Variants in CCSER1 observed in about 807,000 individuals in gnomAD.
The protein encoded by CCSER1 is serine-rich coiled-coil domain-containing protein 1.
Under a neutral mutation model 82.0 loss-of-function variants are expected in CCSER1, and 41 were observed. The observed-to-expected ratio is 0.50, with a 90% CI of 0.39 to 0.65. The LOEUF (loss-of-function observed/expected upper bound fraction) is 0.65, where lower values mean the gene tolerates loss of function less well. CCSER1 is among the 30% of genes least tolerant of loss of function. The pLI, the probability that CCSER1 is intolerant of heterozygous loss-of-function variation, is 0.00. For missense variants in CCSER1, 1,119 were observed against 1,064.2 expected (o/e 1.05, Z -0.72); for synonymous variants, 414 against 383.9 (o/e 1.08, Z -0.92).
intron 5 of CCSER1, among the ~76,000 whole-genome samples, chr4:90,554,986 C>T (rs191590390): frequency 3.2e-4 from 48 of 152,220 alleles, no homozygotes; most frequent in African/African-American, 1.0e-3. Flanking sequence ...TCGGTTACAT[C>T]AAGGACTTTT....
chr4:90,793,398 T>G (rs2149670279), intron 7 of CCSER1, among the ~76,000 whole-genome samples: 1 of 152,338 alleles, frequency 6.6e-6, no homozygotes, highest in African/African-American at 2.4e-5. Context: ...TGTGTTCTTA[T>G]CATTTAGCTC....
intron 5 of CCSER1, among the ~76,000 whole-genome samples, chr4:90,492,889 T>C (rs1434897559): frequency 6.6e-6 from 1 of 152,128 alleles, no homozygotes; most frequent in Non-Finnish European, 1.5e-5. Flanking sequence ...AGAGATAGTT[T>C]GTTAAAGCTT....
At chr4:91,063,117 C>T (rs1744095890) in intron 9 of CCSER1, among the ~76,000 whole-genome samples, 1 of 151,968 alleles carries the variant, frequency 6.6e-6, no homozygotes, top group African/African-American at 2.4e-5. Flanking sequence ...AATAGAAAAT[C>T]TTGAAGTTTC....
chr4:90,299,484 G>T (rs1732673243), intron 1 of CCSER1, among the ~76,000 whole-genome samples: 1 of 151,866 alleles, frequency 6.6e-6, no homozygotes, highest in Non-Finnish European at 1.5e-5. Context: ...GTGATTTCTG[G>T]CTTTTTCTAC....
Position 90,554,460 on chromosome 4 carries a change from C to T in CCSER1, c.1725-73565C>T, listed in dbSNP as rs189338188. ...TGTGATTCAATTTACCTTTAAATACCGAAAATATTTCATGAAATTAAAAAC... is the reference window on the plus strand; with the variant it reads ...TGTGATTCAATTTACCTTTAAATACTGAAAATATTTCATGAAATTAAAAAC... On this transcript the variant is annotated intron_variant, in intron 5 of 10. Coordinates refer to ENST00000509176, the MANE Select transcript of CCSER1 (RefSeq NM_001145065.2). 4.6e-5 allele frequency among the ~76,000 whole-genome samples: 7 copies of T among 152,152 alleles called. No homozygotes were observed. In the East Asian group the frequency reaches 1.2e-3, roughly 25 times the overall value.
intron 1 of CCSER1, among the ~76,000 whole-genome samples, chr4:90,280,234 A>C (rs1455239910): frequency 6.6e-6 from 1 of 151,982 alleles, no homozygotes; most frequent in Non-Finnish European, 1.5e-5. Flanking sequence ...CAGTATTCCA[A>C]ATCTGGTAGA....
chr4:90,520,099 G>T (rs1173537045), intron 5 of CCSER1, among the ~76,000 whole-genome samples: 1 of 151,910 alleles, frequency 6.6e-6, no homozygotes, highest in Non-Finnish European at 1.5e-5. Flanking sequence ...ATAGATTAAA[G>T]TGATATCATA....
At chr4:91,554,134 C>A in intron 10 of CCSER1, among the ~76,000 whole-genome samples, 2 of 150,382 alleles carry the variant, frequency 1.3e-5, no homozygotes, top group South Asian at 4.2e-4. Context: ...TTGATTTATC[C>A]TCTGACATTG....
chr4:90,720,277 G>T (rs1411052381), intron 6 of CCSER1, among the ~76,000 whole-genome samples: 1 of 142,868 alleles, frequency 7.0e-6, no homozygotes, highest in South Asian at 2.3e-4. Context: ...AGGAGCCCTG[G>T]TTTGTTTTTT....
intron 9 of CCSER1, among the ~76,000 whole-genome samples, chr4:90,985,785 G>A (rs1255722331): frequency 6.6e-6 from 1 of 151,394 alleles, no homozygotes; most frequent in Non-Finnish European, 1.5e-5. Context: ...TTGTATTTTA[G>A]GAATGTGTTA....
intron 1 of CCSER1, among the ~76,000 whole-genome samples, chr4:90,235,679 C>G (rs1374072461): frequency 1.3e-5 from 2 of 151,300 alleles, no homozygotes; most frequent in African/African-American, 4.9e-5. Flanking sequence ...TGGTATTAAC[C>G]AAGAGTGGTT....
chr4:91,384,381 C>T (rs975125779), intron 10 of CCSER1, among the ~76,000 whole-genome samples: 80 of 148,538 alleles, frequency 5.4e-4, no homozygotes, highest in Admixed American at 2.5e-3. Context: ...TGAGCGTTTC[C>T]GTTATTTTTT....
At chr4:90,600,937 G>T (rs1783959781) in intron 5 of CCSER1, among the ~76,000 whole-genome samples, 1 of 150,446 alleles carries the variant, frequency 6.6e-6, no homozygotes, top group Non-Finnish European at 1.5e-5. Context: ...TTGTATTTTT[G>T]ATTTTATTGT....
At chr4:91,432,517 A>C (rs971865437) in intron 10 of CCSER1, among the ~76,000 whole-genome samples, 1 of 152,198 alleles carries the variant, frequency 6.6e-6, no homozygotes, top group African/African-American at 2.4e-5. Flanking sequence ...CTAGCATTTT[A>C]TGAGAGTGTC....
At chr4:90,493,055 A>T (rs748068125) in intron 5 of CCSER1, among the ~76,000 whole-genome samples, 15 of 152,192 alleles carry the variant, frequency 9.9e-5, no homozygotes, top group Non-Finnish European at 7.3e-5. Context: ...TAACCACTGT[A>T]GAGAAGTCCT....
intron 6 of CCSER1, among the ~76,000 whole-genome samples, chr4:90,693,776 A>T (rs1303853061): frequency 4.6e-5 from 7 of 151,918 alleles, no homozygotes; most frequent in Non-Finnish European, 8.8e-5. Context: ...AATTTTTGTT[A>T]TATCTGAAGT....
chr4:91,431,044 G>A (rs532175101), intron 10 of CCSER1, among the ~76,000 whole-genome samples: 69 of 152,286 alleles, frequency 4.5e-4, no homozygotes, highest in African/African-American at 1.5e-3. Flanking sequence ...AGACCATCCT[G>A]GCTAACACGG....
intron 10 of CCSER1, among the ~76,000 whole-genome samples, chr4:91,572,484 T>G (rs1294132587): frequency 4.6e-5 from 7 of 152,106 alleles, no homozygotes; most frequent in African/African-American, 1.7e-4. Context: ...AACACTTCGA[T>G]GACCAAAGGC....
At chr4:91,152,706 C>T (rs1303809829) in intron 10 of CCSER1, among the ~76,000 whole-genome samples, 1 of 152,206 alleles carries the variant, frequency 6.6e-6, no homozygotes, top group African/African-American at 2.4e-5. Context: ...TCCTGTAAGG[C>T]AGGCCTTGTA....
Sources: allele counts gnomAD v4.1 joint callset (sites outside exome capture counted in the v4.1 genomes callset), GRCh38; gene constraint gnomAD v4.1.1; transcripts MANE v1.5; gene names NCBI Gene and HGNC (gene_info 2026-07-23, HGNC 2026-07-21).